The following TSNARE1 variants were observed in gnomAD, a reference collection of about 807,000 sequenced individuals.
The protein encoded by TSNARE1 is t-SNARE domain-containing protein 1.
A neutral mutation model predicts 62.0 loss-of-function variants in TSNARE1; 49 were observed. That is an observed-to-expected ratio of 0.79 (90% CI 0.63 to 1.00). The LOEUF is 1.00. Ranked by LOEUF, TSNARE1 falls within the 50% of genes least tolerant of loss-of-function variation. The probability of loss-of-function intolerance (pLI) is 0.00; values close to 1 mark genes in which losing one functional copy is unlikely to be tolerated. For missense variants in TSNARE1, 755 were observed against 700.1 expected (o/e 1.08, Z -0.88); for synonymous variants, 328 against 294.4 (o/e 1.11, Z -1.17).
intron 1 of TSNARE1, among the ~76,000 whole-genome samples, chr8:142,359,326 G>A (rs76833876): frequency 0.026 from 3,984 of 152,186 alleles, 57 homozygotes; most frequent in East Asian, 0.068. Flanking sequence ...CTGCACGCCC[G>A]CTGGAGCCGT....
At chr8:142,317,953 G>A (rs1329753562) in intron 7 of TSNARE1, among the ~76,000 whole-genome samples, 13 of 152,102 alleles carry the variant, frequency 8.5e-5, no homozygotes, top group Non-Finnish European at 1.2e-4. Flanking sequence ...GCAAGACTCC[G>A]TCTCAAAAAC....
rs535396849 is a variant in TSNARE1, at chr8:142,318,615, T to A, written c.913A>T (p.Thr305Ser). 1 of 1,613,460 alleles carries A rather than the reference T, an allele frequency of 6.2e-7. No homozygotes were observed. The highest frequency in any genetic ancestry group is 1.3e-5 in the African/African-American group (1 of 74,902). ...RDSLHTAQQE[T>S]NKTIAASASS... The stretch of plus-strand genomic sequence containing the variant: ...GCGCTGGCTGCAATGGTCTTGTTGG[T>A]CTCCTGCTGTGCCGTGTGCCTGGGG... The change falls in exon 7 of 14, where the codon ACC (threonine) becomes TCC (serine). Residue 305 changes from threonine (T) to serine (S), a missense_variant. Physicochemically the swap from Thr to Ser is moderately conservative, Grantham distance 58. Transcript: ENST00000524325.
intron 1 of TSNARE1, among the ~76,000 whole-genome samples, chr8:142,376,884 C>A (rs1166749088): frequency 6.6e-6 from 1 of 152,246 alleles, no homozygotes; most frequent in Non-Finnish European, 1.5e-5. Flanking sequence ...CAGCTTCAGG[C>A]TGATCAGCAG....
intron 1 of TSNARE1, among the ~76,000 whole-genome samples, chr8:142,358,292 C>T (rs928694804): frequency 1.3e-5 from 2 of 151,262 alleles, no homozygotes; most frequent in Non-Finnish European, 2.9e-5. Flanking sequence ...GAGCAGCCAG[C>T]GGCCATCACT....
Position 142,333,036 on chromosome 8 carries a change from G to A in TSNARE1, c.746-1205C>T, listed in dbSNP as rs6583616. 3.2e-4 allele frequency among the ~76,000 whole-genome samples: 48 copies of A among 152,336 alleles called. No individual in the cohort carries two copies. The East Asian group carries it at 6.6e-3, about 21-fold the overall frequency. Reference sequence around the variant, plus strand: ...ACACTGTTCAGAAACCAGAGCGAACGGGGCGAAGGTCGAGAACGACCAAGG... The same window carrying A: ...ACACTGTTCAGAAACCAGAGCGAACAGGGCGAAGGTCGAGAACGACCAAGG... On this transcript the variant is annotated intron_variant, in intron 4 of 13. Transcript: ENST00000524325.
At chr8:142,274,344 A>G in intron 12 of TSNARE1, 1 of 985,472 alleles carries the variant, frequency 1.0e-6, no homozygotes, top group African/African-American at 1.7e-5. Flanking sequence ...TCCCACTTCA[A>G]GAAAATAAAG....
chr8:142,220,572 G>T (rs182400881), intron 13 of TSNARE1, among the ~76,000 whole-genome samples: 1 of 152,172 alleles, frequency 6.6e-6, no homozygotes, highest in South Asian at 2.1e-4. Flanking sequence ...TCCAGATTCC[G>T]ACCTGGAACC....
chr8:142,261,920 G>A (rs377432674), intron 12 of TSNARE1, among the ~76,000 whole-genome samples: 34 of 152,178 alleles, frequency 2.2e-4, no homozygotes, highest in African/African-American at 3.6e-4. Context: ...GAGTCCTGCC[G>A]GCCACAGCTG....
At chr8:142,281,918 G>A (rs763722202) in intron 11 of TSNARE1, among the ~76,000 whole-genome samples, 3 of 152,138 alleles carry the variant, frequency 2.0e-5, no homozygotes, top group Non-Finnish European at 2.9e-5. Flanking sequence ...TTGATGGGTG[G>A]CCTCCAGCAG....
intron 12 of TSNARE1, chr8:142,270,429 T>C: frequency 1.0e-6 from 1 of 985,062 alleles, no homozygotes; most frequent in Non-Finnish European, 1.2e-6. Flanking sequence ...AAGAAAAATC[T>C]ACAGGTACAA....
chr8:142,322,564 T>C (rs1469179601), intron 6 of TSNARE1, among the ~76,000 whole-genome samples: 1 of 152,224 alleles, frequency 6.6e-6, no homozygotes, highest in African/African-American at 2.4e-5. Context: ...AGTGAATCTA[T>C]GCAGGTCACA....
intron 1 of TSNARE1, among the ~76,000 whole-genome samples, chr8:142,380,218 A>G (rs1378215859): frequency 6.6e-6 from 1 of 152,222 alleles, no homozygotes; most frequent in Non-Finnish European, 1.5e-5. Context: ...CAGATGAAAG[A>G]ACAAGGAGAG....
chr8:142,308,817 C>A (rs188108744), intron 9 of TSNARE1, among the ~76,000 whole-genome samples: 4 of 152,096 alleles, frequency 2.6e-5, no homozygotes, highest in African/African-American at 9.7e-5. Context: ...CTGCTGGAAC[C>A]TTATTGGGAT....
chr8:142,357,209 G>A (rs1054121926), intron 1 of TSNARE1, among the ~76,000 whole-genome samples: 1 of 152,226 alleles, frequency 6.6e-6, no homozygotes, highest in Non-Finnish European at 1.5e-5. Context: ...GAGCTCACTC[G>A]AGCTGGTTAG....
chr8:142,373,837 G>A (rs116250977), intron 1 of TSNARE1, among the ~76,000 whole-genome samples: 55 of 152,230 alleles, frequency 3.6e-4, no homozygotes, highest in African/African-American at 1.1e-3. Context: ...GCAGGGGAGC[G>A]GGGAAGCGGG....
At chr8:142,228,616 G>A (rs911876954) in intron 13 of TSNARE1, among the ~76,000 whole-genome samples, 1 of 152,256 alleles carries the variant, frequency 6.6e-6, no homozygotes, top group African/African-American at 2.4e-5. Flanking sequence ...CAGTGCCTAG[G>A]AAAAGAGAGG....
At position 142,273,368 on chromosome 8, in the gene TSNARE1, CCGT is replaced by C. The variant is rs1176248763; in HGVS notation, c.1446+1410_1446+1412del. On this transcript the variant is annotated intron_variant, in intron 12 of 13. Coordinates refer to ENST00000524325, the MANE Select transcript of TSNARE1 (RefSeq NM_145003.5). ...TGAGTTTCCAGCGAGTCCACCTTGC[CCGT>C]CACCAGGCGTCACCTTCTGCCCATC... The C allele has an allele frequency of 3.0e-6, 3 of 985,294 alleles. No individual in the cohort carries two copies. The East Asian group carries it at 3.4e-4, about 112-fold the overall frequency. 61.0% of individuals were successfully genotyped at this position (985,294 alleles called of 1,614,324 possible).
upstream of TSNARE1, chr8:142,403,659 G>C (rs9801745): frequency 0.27 from 41,446 of 152,176 alleles, 7,301 homozygotes; most frequent in African/African-American, 0.49. Context: ...GCCGTGCTCG[G>C]CCGGGGGCTG....
intron 12 of TSNARE1, among the ~76,000 whole-genome samples, chr8:142,241,336 C>T (rs573122172): frequency 1.4e-4 from 22 of 152,206 alleles, no homozygotes; most frequent in African/African-American, 4.3e-4. Context: ...ATGAAAATTA[C>T]AAAACCTTAA....
Sources: gnomAD v4.1 joint callset for allele counts (sites outside exome capture counted in the v4.1 genomes callset) on GRCh38, gnomAD v4.1.1 for gene constraint, MANE v1.5 for transcripts, NCBI Gene and HGNC (gene_info 2026-07-23, HGNC 2026-07-21) for gene names.